MARF1: variants seen among roughly 807,000 people sequenced by gnomAD.
MARF1 encodes the protein meiosis regulator and mRNA stability factor 1, also known as limkain-b1.
Under a neutral mutation model 168.2 loss-of-function variants are expected in MARF1, and 24 were observed. The observed-to-expected ratio is 0.14, with a 90% CI of 0.10 to 0.20. The LOEUF (loss-of-function observed/expected upper bound fraction) is 0.20, where lower values mean the gene tolerates loss of function less well. Ranked by LOEUF, MARF1 falls within the 10% of genes least tolerant of loss-of-function variation. The pLI, the probability that MARF1 is intolerant of heterozygous loss-of-function variation, is 1.00. For missense variants in MARF1, 1,744 were observed against 2,143.6 expected (o/e 0.81, Z 3.68); for synonymous variants, 868 against 822.4 (o/e 1.06, Z -0.95).
In MARF1 at chr16:15,621,742, G is replaced by A. The variant is rs2034475430; in HGVS notation, c.2630C>T (p.Ser877Phe). 1 of 1,614,030 alleles carries A rather than the reference G, an allele frequency of 6.2e-7. No homozygotes were observed. Among genetic ancestry groups the A allele is most frequent in the Non-Finnish European group, 8.5e-7 (1 of 1,179,954 alleles). Residue 877 changes from serine to phenylalanine, a missense_variant, in exon 12 of 27, where the codon TCT becomes TTT. Ser to Phe is a radical substitution (Grantham distance 155). Coordinates refer to ENST00000396368, the MANE Select transcript of MARF1 (RefSeq NM_014647.4). ...CTTGCTTGTTTCTTACCTCAGTAAA[G>A]AGAGTGATTTGCTGGCAGCCCCGGT... Reference protein sequence around the residue: ...LATGAASKSLSLLSAETMSVL... With the variant: ...LATGAASKSLFLLSAETMSVL...
intron 23 of MARF1, 46 bp from the exon 24 acceptor site, chr16:15,600,747 A>T: frequency 6.3e-7 from 1 of 1,597,378 alleles, no homozygotes; most frequent in Non-Finnish European, 8.6e-7. Flanking sequence ...AAAGGAGGGG[A>T]CAGAAGCCCT....
intron 5 of MARF1, among the ~76,000 whole-genome samples, chr16:15,632,712 G>A (rs142134768): frequency 0.025 from 3,802 of 152,276 alleles, 69 homozygotes; most frequent in Non-Finnish European, 0.04. Context: ...TAACTTGCTG[G>A]TTTTTGTAAA....
intron 13 of MARF1, among the ~76,000 whole-genome samples, chr16:15,618,201 C>T (rs1235685502): frequency 5.3e-5 from 8 of 152,172 alleles, no homozygotes; most frequent in East Asian, 1.9e-4. Context: ...TAGGCCTGGA[C>T]AGAACTTGGC....
At position 15,628,162 on chromosome 16, in the gene MARF1, A is replaced by C. The variant is rs562318530; in HGVS notation, c.1524+2170T>G. On this transcript the variant is annotated intron_variant, in intron 7 of 26. Coordinates refer to ENST00000396368, the MANE Select transcript of MARF1 (RefSeq NM_014647.4). ...CTGGTTTTTAAAATGTGGCAGATTT[A>C]TATTAATATATATTAACATGAAAAG... 2.0e-5 allele frequency among the ~76,000 whole-genome samples: 3 copies of C among 152,360 alleles called. No homozygotes were observed. The East Asian group carries it at 5.8e-4, about 29-fold the overall frequency.
intron 16 of MARF1, 60 bp from the exon 17 acceptor site, chr16:15,612,837 G>C (rs2033689317): frequency 1.4e-6 from 2 of 1,439,684 alleles, no homozygotes; most frequent in Non-Finnish European, 1.9e-6. Context: ...TGAAAGAAGG[G>C]AAAATGGCCC....
intron 13 of MARF1, among the ~76,000 whole-genome samples, chr16:15,618,108 A>G (rs1252231645): frequency 2.0e-5 from 3 of 152,088 alleles, no homozygotes; most frequent in African/African-American, 7.2e-5. Flanking sequence ...TCCACGACCA[A>G]TCGGGGCCTC....
chr16:15,612,371 T>C (rs2033646021), intron 17 of MARF1, among the ~76,000 whole-genome samples, 186 bp downstream of exon 17: 1 of 152,228 alleles, frequency 6.6e-6, no homozygotes, highest in African/African-American at 2.4e-5. Flanking sequence ...AACTGGAAAC[T>C]AGCAGCGTTC....
rs371728741 is a variant in MARF1, at chr16:15,620,769, C to G, written c.2640-238G>C. On this transcript the variant is annotated intron_variant, in intron 12 of 26. Transcript: ENST00000396368. ...CATAGGGTTTTCCACACCAGTGGAG[C>G]AGAAAAGCATGATGAATTCAGAGCA... Among the ~76,000 whole-genome samples, 58 of 152,268 alleles carry G rather than the reference C, an allele frequency of 3.8e-4. 1 individual carries two copies. The South Asian group carries it at 0.011, about 29-fold the overall frequency.
chr16:15,642,418 A>G (rs2151356154), intron 1 of MARF1: 1 of 152,364 alleles, frequency 6.6e-6, no homozygotes, highest in Admixed American at 6.5e-5. Flanking sequence ...AAAACAGTTT[A>G]GGTTTCAATA....
At chr16:15,603,117 C>A (rs954088119) in intron 22 of MARF1, among the ~76,000 whole-genome samples, 1 of 152,152 alleles carries the variant, frequency 6.6e-6, no homozygotes, top group East Asian at 1.9e-4. Context: ...TAGATATTAA[C>A]AGAGTTTAGA....
At chr16:15,619,696 C>T (rs565350546) in intron 13 of MARF1, among the ~76,000 whole-genome samples, 1 of 152,308 alleles carries the variant, frequency 6.6e-6, no homozygotes, top group East Asian at 1.9e-4. Context: ...TCCTCAAGGA[C>T]AAGACCTAAG....
chr16:15,602,020 C>G lies in MARF1; in HGVS notation c.4597G>C (p.Val1533Leu). The G allele has an allele frequency of 6.2e-7, 1 of 1,614,078 alleles. No individual in the cohort carries two copies. Among genetic ancestry groups the G allele is most frequent in the Non-Finnish European group, 8.5e-7 (1 of 1,179,934 alleles). The part of the protein sequence containing the change: ...LQPKTYGHSS[V>L]EELLGAIPQV... ...GGAATTGCTCCCAAGAGCTCCTCCA[C>G]GCTGCTGTGGCCGTAGGTCTTGGGC... The change falls in exon 23 of 27, where the codon GTG (valine) becomes CTG (leucine). Residue 1533 changes from valine to leucine, a missense_variant. By Grantham distance (32) the Val-to-Leu change is conservative. Coordinates refer to ENST00000396368, the MANE Select transcript of MARF1 (RefSeq NM_014647.4).
chr16:15,615,803 C>T (rs2034000579), intron 16 of MARF1, 27 bp downstream of exon 16: 3 of 1,489,394 alleles, frequency 2.0e-6, no homozygotes, highest in East Asian at 2.4e-5. Flanking sequence ...CAGGTGGTAG[C>T]TCCAGGACAA....
At chr16:15,615,760 A>G in intron 16 of MARF1, 70 bp downstream of exon 16, 1 of 1,204,548 alleles carries the variant, frequency 8.3e-7, no homozygotes, top group East Asian at 2.8e-5. Flanking sequence ...GTTTAAAATA[A>G]AAGCCAATAG....
At chr16:15,638,328 G>A (rs966311852) in intron 2 of MARF1, among the ~76,000 whole-genome samples, 6 of 152,122 alleles carry the variant, frequency 3.9e-5, no homozygotes. Flanking sequence ...GCTCACGCCT[G>A]TAATCCCAGC....
In MARF1 at chr16:15,596,652, G is replaced by A; in HGVS notation, c.*41C>T. 6.6e-7 allele frequency: 1 copy of A among 1,524,638 alleles called. No individual in the cohort carries two copies. Among genetic ancestry groups the A allele is most frequent in the Non-Finnish European group, 8.8e-7 (1 of 1,132,916 alleles). The allele number at this position is 1,524,638 out of a possible 1,614,324, so 94.4% of individuals were successfully genotyped here. On this transcript the variant is annotated 3_prime_UTR_variant, in exon 27 of 27. Coordinates refer to ENST00000396368, the MANE Select transcript of MARF1 (RefSeq NM_014647.4). ...AAACCCACTTTTGTGTGCAGAATCAGACAGTGTTTTCCCATCCTAATTCTA... is the reference window on the plus strand; with the variant it reads ...AAACCCACTTTTGTGTGCAGAATCAAACAGTGTTTTCCCATCCTAATTCTA...
At chr16:15,627,864 A>G (rs1451924094) in intron 7 of MARF1, among the ~76,000 whole-genome samples, 1 of 152,194 alleles carries the variant, frequency 6.6e-6, no homozygotes, top group African/African-American at 2.4e-5. Context: ...CTGGCCTGGC[A>G]AACATTTAAA....
In MARF1 at chr16:15,596,717, G is replaced by A. The variant is rs1162653748; in HGVS notation, c.5205C>T (p.Ser1735=). ...KNRVKLAANF[S]LAPITKL ...GTTAAAGCTTGGTTATAGGTGCTAA[G>A]GAAAAGTTGGCTGCCAATTTGACTC... Residue 1735 remains serine (S), a synonymous_variant, in exon 27 of 27, where the codon TCC becomes TCT. Coordinates refer to ENST00000396368, the MANE Select transcript of MARF1 (RefSeq NM_014647.4). The A allele has an allele frequency of 6.2e-7, 1 of 1,606,268 alleles. No individual in the cohort carries two copies.
At chr16:15,608,620 C>T (rs1330030338) in intron 20 of MARF1, 102 bp from the exon 21 acceptor site, 3 of 782,012 alleles carry the variant, frequency 3.8e-6, no homozygotes, top group African/African-American at 1.7e-5. Context: ...AACAAGTCAG[C>T]GTTACTGAAT....
Sources: gnomAD v4.1 joint callset for allele counts (sites outside exome capture counted in the v4.1 genomes callset) on GRCh38, gnomAD v4.1.1 for gene constraint, MANE v1.5 for transcripts, NCBI Gene and HGNC (gene_info 2026-07-23, HGNC 2026-07-21) for gene names.